HPSE2: variants seen among roughly 807,000 people sequenced by gnomAD.
HPSE2 encodes inactive heparanase-2.
HPSE2 carries 38 observed loss-of-function variants against 60.5 expected under a neutral mutation model. The observed-to-expected ratio is 0.63, with a 90% CI of 0.48 to 0.82. HPSE2 has a LOEUF of 0.82. HPSE2 is among the 40% of genes least tolerant of loss of function. HPSE2 has a pLI of 0.00. For missense variants in HPSE2, 713 were observed against 740.4 expected, an observed-to-expected ratio of 0.96 and a Z score of 0.43; for synonymous variants, 295 against 293.2, an observed-to-expected ratio of 1.01 and a Z score of -0.06.
At chr10:98,706,254 G>A (rs1948544805) in intron 5 of HPSE2, among the ~76,000 whole-genome samples, 1 of 152,066 alleles carries the variant, frequency 6.6e-6, no homozygotes. Context: ...TAAACTCTAA[G>A]ATACAAAAAA....
intron 9 of HPSE2, among the ~76,000 whole-genome samples, chr10:98,602,119 T>C (rs997228560): frequency 1.3e-5 from 2 of 152,108 alleles, no homozygotes; most frequent in African/African-American, 4.8e-5. Flanking sequence ...GGAGTAAGGG[T>C]TCCCCAGTGT....
chr10:98,985,450 T>C (rs1346025324), intron 3 of HPSE2, among the ~76,000 whole-genome samples: 1 of 152,172 alleles, frequency 6.6e-6, no homozygotes, highest in African/African-American at 2.4e-5. Context: ...CTGAGAGATT[T>C]TGTCACCACC....
At chr10:98,892,436 A>T (rs1953361490) in intron 3 of HPSE2, among the ~76,000 whole-genome samples, 1 of 152,170 alleles carries the variant, frequency 6.6e-6, no homozygotes, top group African/African-American at 2.4e-5. Context: ...CTTCTACTTA[A>T]CTCAGCAAAT....
intron 5 of HPSE2, 140 bp downstream of exon 5, chr10:98,721,517 G>A (rs904838297): frequency 3.9e-6 from 3 of 771,154 alleles, no homozygotes; most frequent in South Asian, 1.8e-5. Context: ...TAGAGTGGGT[G>A]AAGCCACTAT....
At chr10:98,599,578 T>C (rs563003743) in intron 9 of HPSE2, among the ~76,000 whole-genome samples, 1 of 152,276 alleles carries the variant, frequency 6.6e-6, no homozygotes, top group East Asian at 1.9e-4. Context: ...TTTTATTGGG[T>C]ACAGTCCTGG....
In HPSE2 at chr10:99,117,194, AAATT is replaced by A. The variant is rs141862586; in HGVS notation, c.610+27040_610+27043del. Among the ~76,000 whole-genome samples the A allele has an allele frequency of 3.1e-3, 466 of 151,636 alleles. 2 individuals carry two copies. Among genetic ancestry groups the A allele is most frequent in the East Asian group, 0.015 (79 of 5,184 alleles). ...AAAAGTCATGTAAATAAACAATTCT[AAATT>A]AATTAATTAATAAATTAAATTAATC... is the stretch of plus-strand genomic sequence containing the variant. On this transcript the variant is annotated intron_variant, in intron 3 of 11. Transcript: ENST00000370552.
At chr10:98,688,087 T>C (rs1449562597) in intron 6 of HPSE2, among the ~76,000 whole-genome samples, 1 of 152,158 alleles carries the variant, frequency 6.6e-6, no homozygotes, top group Admixed American at 6.6e-5. Flanking sequence ...GCTTTTCGGC[T>C]ATACTTTTTG....
chr10:99,203,117 T>C (rs533214508), intron 2 of HPSE2, among the ~76,000 whole-genome samples: 1 of 152,006 alleles, frequency 6.6e-6, no homozygotes, highest in Non-Finnish European at 1.5e-5. Flanking sequence ...TCCAGGCCCA[T>C]CCCACCACGA....
At position 98,608,350 on chromosome 10, in the gene HPSE2, G is replaced by T. The variant is rs1012199902; in HGVS notation, c.1320+6554C>A. ...TAGAGCGCTTTCTGTTTCCCAAGGG[G>T]GCTTGCATCGGCGTGAGCTGTTGCA... On this transcript the variant is annotated intron_variant, in intron 9 of 11. Transcript: ENST00000370552. Among the ~76,000 whole-genome samples, 11 of 152,144 alleles carry T rather than the reference G, an allele frequency of 7.2e-5. No individual in the cohort carries two copies. In the East Asian group the frequency reaches 2.1e-3, roughly 29 times the overall value.
intron 3 of HPSE2, among the ~76,000 whole-genome samples, chr10:98,889,333 C>T (rs1953265601): frequency 6.6e-6 from 1 of 151,898 alleles, no homozygotes; most frequent in Admixed American, 6.6e-5. Context: ...CAGGTATGTA[C>T]CACCACGCCT....
intron 3 of HPSE2, among the ~76,000 whole-genome samples, chr10:99,101,086 A>G (rs4339973): frequency 0.057 from 8,621 of 152,284 alleles, 335 homozygotes; most frequent in Non-Finnish European, 0.084. Context: ...TCAACTAACG[A>G]GCAAAATAAC....
chr10:99,217,864 A>C (rs1370512200), intron 2 of HPSE2, among the ~76,000 whole-genome samples: 5 of 151,998 alleles, frequency 3.3e-5, no homozygotes, highest in African/African-American at 1.2e-4. Flanking sequence ...GGGACTTCAG[A>C]TGTGAGCCAC....
chr10:98,928,844 G>C (rs1268499686), intron 3 of HPSE2, among the ~76,000 whole-genome samples: 5 of 96,942 alleles, frequency 5.2e-5, no homozygotes, highest in Non-Finnish European at 9.5e-5. Context: ...GTTGTGGGGT[G>C]GGGGGAGGGG....
At chr10:98,703,213 C>T (rs1423188195) in intron 5 of HPSE2, among the ~76,000 whole-genome samples, 2 of 152,064 alleles carry the variant, frequency 1.3e-5, no homozygotes, top group African/African-American at 4.8e-5. Flanking sequence ...GAAACATATA[C>T]CCTCCCAAGA....
the HPSE2 span, among the ~76,000 whole-genome samples, chr10:99,289,923 G>A: frequency 5.3e-5 from 8 of 152,166 alleles, no homozygotes; most frequent in Non-Finnish European, 1.0e-4. Flanking sequence ...GGACAGGGCA[G>A]TATAAATGAA....
At chr10:98,532,911 C>T (rs1943175043) in intron 9 of HPSE2, among the ~76,000 whole-genome samples, 1 of 152,286 alleles carries the variant, frequency 6.6e-6, no homozygotes, top group South Asian at 2.1e-4. Context: ...GGGATGAGGG[C>T]TGACCTGATT....
chr10:99,153,646 T>C (rs1846386044), intron 2 of HPSE2, among the ~76,000 whole-genome samples: 2 of 151,860 alleles, frequency 1.3e-5, no homozygotes, highest in Admixed American at 1.3e-4. Context: ...ACCACAAAGA[T>C]GGGGAAAAAA....
chr10:98,769,139 G>A (rs1950187579), intron 3 of HPSE2, among the ~76,000 whole-genome samples: 1 of 152,138 alleles, frequency 6.6e-6, no homozygotes, highest in Non-Finnish European at 1.5e-5. Context: ...AACTGTTCTT[G>A]AAAGGTATAA....
At chr10:99,081,636 C>G (rs1451013573) in intron 3 of HPSE2, among the ~76,000 whole-genome samples, 1 of 149,448 alleles carries the variant, frequency 6.7e-6, no homozygotes, top group Non-Finnish European at 1.5e-5. Context: ...AATATAATTT[C>G]TTTTTATTTT....
Sources: gnomAD v4.1 joint callset for allele counts (sites outside exome capture counted in the v4.1 genomes callset) on GRCh38, gnomAD v4.1.1 for gene constraint, MANE v1.5 for transcripts, NCBI Gene and HGNC (gene_info 2026-07-23, HGNC 2026-07-21) for gene names.